COL3A1: variants seen among roughly 807,000 people sequenced by gnomAD.
COL3A1 encodes the protein collagen alpha-1(III) chain.
A neutral mutation model predicts 200.9 loss-of-function variants in COL3A1; 46 were observed. The ratio of observed to expected loss-of-function variants is 0.23; its 90% CI spans 0.18 to 0.29. COL3A1 has a LOEUF of 0.29. Ranked by LOEUF, COL3A1 falls within the 10% of genes least tolerant of loss-of-function variation. The pLI is 1.00. For missense variants in COL3A1, 1,367 were observed against 1,917.6 expected (o/e 0.71, Z 5.36); for synonymous variants, 650 against 628.0 (o/e 1.03, Z -0.52).
chr2:189,007,015 T>C (rs781388091), intron 44 of COL3A1, 25 bp downstream of exon 44: 2 of 1,605,390 alleles, frequency 1.2e-6, no homozygotes, highest in Non-Finnish European at 1.7e-6. Flanking sequence ...TTTTTGGTTT[T>C]ATTTTGTTTT....
intron 1 of COL3A1, among the ~76,000 whole-genome samples, chr2:188,983,255 T>G (rs1687992268): frequency 6.6e-6 from 1 of 151,952 alleles, no homozygotes; most frequent in East Asian, 1.9e-4. Context: ...AAAATGAAGC[T>G]TTCCTTCGTT....
Position 188,997,207 on chromosome 2 carries a change from C to A in COL3A1, c.1804C>A (p.Pro602Thr), listed in dbSNP as rs35795890. The A allele has an allele frequency of 5.6e-3, 8,981 of 1,613,986 alleles. 35 individuals carry two copies. Among genetic ancestry groups the A allele is most frequent in the Middle Eastern group, 0.023 (138 of 6,060 alleles). The change falls in exon 25 of 51, where the codon CCT becomes ACT. Residue 602 changes from proline to threonine, a missense_variant. Coordinates refer to ENST00000304636, the MANE Select transcript of COL3A1 (RefSeq NM_000090.4). ...KNGERGGPGGPGPQGPPGKNG... is the reference protein window; with the variant it reads ...KNGERGGPGGTGPQGPPGKNG... Reference sequence around the variant, plus strand: ...TGGAGAACGAGGTGGCCCTGGAGGACCTGGCCCTCAGGTACGTAGCTTTCC... The same window carrying A: ...TGGAGAACGAGGTGGCCCTGGAGGAACTGGCCCTCAGGTACGTAGCTTTCC...
chr2:188,993,213 T>C (rs539451561), intron 15 of COL3A1, 148 bp from the exon 16 acceptor site: 1 of 759,482 alleles, frequency 1.3e-6, no homozygotes, highest in African/African-American at 1.7e-5. Context: ...TTCTCTGCCT[T>C]TACGATTAAT....
Position 188,995,789 on chromosome 2 carries a change from G to C in COL3A1, c.1607G>C (p.Arg536Thr). The C allele has an allele frequency of 1.3e-6, 2 of 1,556,524 alleles. No individual in the cohort carries two copies. The highest frequency in any genetic ancestry group is 1.7e-6 in the Non-Finnish European group (2 of 1,148,984). Residue 536 changes from arginine to threonine, a missense_variant and splice_region_variant, in exon 22 of 51, where the codon AGG (arginine) becomes ACG (threonine). Physicochemically the swap from Arg to Thr is moderately conservative, Grantham distance 71. Around this residue, in one of 5 missense-constraint regions of COL3A1, gnomAD observed 462 missense variants for 681.4 expected, o/e 0.68. Coordinates refer to ENST00000304636, the MANE Select transcript of COL3A1 (RefSeq NM_000090.4). Reference sequence around the variant, plus strand: ...GGCGTCCCTGGAGGTCCAGGAATGAGGGTACAGAGAAACATTTGTTTGAAT... The same window carrying C: ...GGCGTCCCTGGAGGTCCAGGAATGACGGTACAGAGAAACATTTGTTTGAAT... ...RDGVPGGPGM[R>T]GMPGSPGGPG...
chr2:189,005,723 G>T, intron 41 of COL3A1: 1 of 413,116 alleles, frequency 2.4e-6, no homozygotes, highest in South Asian at 2.5e-5. Flanking sequence ...AACCACAATT[G>T]ACATGTTTTC....
chr2:188,995,489 T>C (rs1027897088), intron 21 of COL3A1: 1 of 569,454 alleles, frequency 1.8e-6, no homozygotes, highest in African/African-American at 1.9e-5. Context: ...TTATTAAGCA[T>C]GTGATGTTCA....
At chr2:188,975,167 G>T (rs1261879497) in intron 1 of COL3A1, among the ~76,000 whole-genome samples, 1 of 152,130 alleles carries the variant, frequency 6.6e-6, no homozygotes, top group Non-Finnish European at 1.5e-5. Context: ...TTTCAAGAAT[G>T]ATTGATTAAT....
At chr2:188,987,598 G>A (rs1688090857) in intron 5 of COL3A1, among the ~76,000 whole-genome samples, 1 of 152,012 alleles carries the variant, frequency 6.6e-6, no homozygotes, top group Admixed American at 6.6e-5. Context: ...AAATCTCTAT[G>A]TCAATTAACT....
chr2:188,990,503 T>G (rs906274891), intron 10 of COL3A1, 143 bp downstream of exon 10: 17 of 791,338 alleles, frequency 2.1e-5, no homozygotes, highest in Non-Finnish European at 2.9e-5. Context: ...ACTAAGTTTG[T>G]TTGTTGACCA....
chr2:189,009,030 A>G lies in COL3A1; in HGVS notation c.3632A>G (p.Glu1211Gly). The G allele has an allele frequency of 6.2e-7, 1 of 1,614,192 alleles. No homozygotes were observed. Among genetic ancestry groups the G allele is most frequent in the Non-Finnish European group, 8.5e-7 (1 of 1,180,028 alleles). Reference protein sequence around the residue: ...GAAAIAGIGGEKAGGFAPYYG... With the variant: ...GAAAIAGIGGGKAGGFAPYYG... ...GCTGCCATTGCTGGGATTGGAGGTG[A>G]AAAAGCTGGCGGTTTTGCCCCGTAT... The change falls in exon 48 of 51, where the codon GAA (glutamate) becomes GGA (glycine). Residue 1211 changes from glutamate (E) to glycine (G), a missense_variant. Glu to Gly is a moderately conservative substitution (Grantham distance 98). Around this residue, in one of 5 missense-constraint regions of COL3A1, gnomAD observed 846 missense variants for 1,147.9 expected, o/e 0.74. Transcript: ENST00000304636.
rs1359067788 is a variant in COL3A1, at chr2:189,009,151, T to C, written c.3753T>C (p.Pro1251=). ...GACAAATAGAAAGCCTCATTAGTCC[T>C]GATGGTTCTCGTAAAAACCCCGCTA... ...VNGQIESLIS[P]DGSRKNPARN... Residue 1251 remains proline (P), a synonymous_variant, in exon 48 of 51, where the codon CCT becomes CCC. Transcript: ENST00000304636. 1.2e-6 allele frequency: 2 copies of C among 1,614,232 alleles called. No homozygotes were observed. Among genetic ancestry groups the C allele is most frequent in the Non-Finnish European group, 1.7e-6 (2 of 1,180,036 alleles).
At chr2:188,986,320 A>G (rs1401305287) in intron 4 of COL3A1, among the ~76,000 whole-genome samples, 2 of 152,092 alleles carry the variant, frequency 1.3e-5, no homozygotes, top group Non-Finnish European at 2.9e-5. Context: ...ACAAATAAAT[A>G]TGACAAAATT....
In COL3A1 at chr2:189,011,854, C is replaced by A. The variant is rs1576475088; in HGVS notation, c.*80C>A. Reference sequence around the variant, plus strand: ...CTTGTTCTAATCTTGTCAACCAGTGCAAGTGACCGACAAAATTCCAGTTAT... The same window carrying A: ...CTTGTTCTAATCTTGTCAACCAGTGAAAGTGACCGACAAAATTCCAGTTAT... On this transcript the variant is annotated 3_prime_UTR_variant, in exon 51 of 51. Transcript: ENST00000304636. The A allele has an allele frequency of 6.7e-7, 1 of 1,486,338 alleles. No homozygotes were observed. Among genetic ancestry groups the A allele is most frequent in the Non-Finnish European group, 9.4e-7 (1 of 1,069,428 alleles). The allele number at this position is 1,486,338 out of a possible 1,614,324, so 92.1% of individuals were successfully genotyped here.
intron 47 of COL3A1, chr2:189,008,433 T>A: frequency 2.1e-6 from 1 of 466,620 alleles, no homozygotes; most frequent in Non-Finnish European, 3.9e-6. Flanking sequence ...CCACTAGAGA[T>A]CTCAGAATTA....
In COL3A1 at chr2:189,011,402, G is replaced by T. The variant is rs543243343; in HGVS notation, c.4255-226G>T. 4.6e-5 allele frequency among the ~76,000 whole-genome samples: 7 copies of T among 152,264 alleles called. No homozygotes were observed. The East Asian group carries it at 1.2e-3, about 25-fold the overall frequency. ...GAGGATGCACTGGTCTATAGCAATT[G>T]CCCTGCTGCATTTACTAAGAATCCT... On this transcript the variant is annotated intron_variant, in intron 50 of 50. Transcript: ENST00000304636.
At chr2:189,002,516 T>C (rs557182195) in intron 35 of COL3A1, among the ~76,000 whole-genome samples, 165 bp downstream of exon 35, 54 of 152,308 alleles carry the variant, frequency 3.5e-4, no homozygotes, top group African/African-American at 1.2e-3. Flanking sequence ...CTATTGTCGC[T>C]CTTTGAAAGA....
rs1682937336 is a variant in COL3A1 at position 188,996,280 on chromosome 2, ATATGTATATGTATATC to A, written c.1662+106_1663-99del. On this transcript the variant is annotated intron_variant, in intron 23 of 50. Coordinates refer to ENST00000304636, the MANE Select transcript of COL3A1 (RefSeq NM_000090.4). Reference sequence around the variant, plus strand: ...TGTGTGTGTGTGTGTGTATATATATATATGTATATGTATATCTATATATATACACACACACACACAC... The same window carrying A: ...TGTGTGTGTGTGTGTGTATATATATATATATATATACACACACACACACAC... 28 of 781,220 alleles carry A rather than the reference ATATGTATATGTATATC, an allele frequency of 3.6e-5. No homozygotes were observed. In the African/African-American group the frequency reaches 5.4e-4, roughly 15 times the overall value. 48.4% of individuals were successfully genotyped at this position (781,220 alleles called of 1,614,324 possible).
intron 22 of COL3A1, 61 bp from the exon 23 acceptor site, chr2:188,996,064 T>C: frequency 1.4e-6 from 2 of 1,434,868 alleles, no homozygotes; most frequent in Non-Finnish European, 2.0e-6. Context: ...ACAAATAGTG[T>C]ATGTAGTAAT....
intron 1 of COL3A1, among the ~76,000 whole-genome samples, chr2:188,976,177 A>G (rs902684195): frequency 2.0e-5 from 3 of 152,098 alleles, no homozygotes. Flanking sequence ...TGAAAAGACT[A>G]CAAACTTAGG....
Sources: gnomAD v4.1 joint callset for allele counts (sites outside exome capture counted in the v4.1 genomes callset) on GRCh38, gnomAD v4.1.1 for gene constraint, gnomAD v4.1.1 regional missense constraint, MANE v1.5 for transcripts, NCBI Gene and HGNC (gene_info 2026-07-23, HGNC 2026-07-21) for gene names.